The following GLIS1 variants were observed in gnomAD, a reference collection of about 807,000 sequenced individuals.
GLIS1 encodes zinc finger protein GLIS1.
GLIS1 carries 24 observed loss-of-function variants against 63.8 expected under a neutral mutation model. That is an observed-to-expected ratio of 0.38 (90% CI 0.27 to 0.53). GLIS1 has a LOEUF of 0.53. Among genes scored for constraint, GLIS1 ranks in the 20% least tolerant of loss-of-function variants. GLIS1 has a pLI of 0.85. For synonymous variants in GLIS1, 450 were observed against 482.5 expected, an observed-to-expected ratio of 0.93 and a Z score of 0.88; for missense variants, 1,036 against 1,074.1, an observed-to-expected ratio of 0.96 and a Z score of 0.50.
intron 4 of GLIS1, among the ~76,000 whole-genome samples, chr1:53,549,716 G>A (rs891459800): frequency 6.6e-6 from 1 of 152,194 alleles, no homozygotes; most frequent in South Asian, 2.1e-4. Context: ...ATTTTGAGCT[G>A]AAACAACAAC....
intron 2 of GLIS1, among the ~76,000 whole-genome samples, chr1:53,629,408 C>T (rs1277147976): frequency 6.6e-6 from 1 of 152,166 alleles, no homozygotes; most frequent in Non-Finnish European, 1.5e-5. Context: ...TGTTCCTACC[C>T]CACACTGTTA....
chr1:53,616,057 T>C (rs934871143), intron 2 of GLIS1, among the ~76,000 whole-genome samples: 3 of 152,178 alleles, frequency 2.0e-5, no homozygotes, highest in African/African-American at 4.8e-5. Context: ...TCTAAGGTAA[T>C]ACAATTTTAT....
chr1:53,657,519 T>TTA (rs1202040939), intron 2 of GLIS1, among the ~76,000 whole-genome samples: 2 of 152,260 alleles, frequency 1.3e-5, no homozygotes, highest in Non-Finnish European at 2.9e-5. Flanking sequence ...GAGCCTGCCT[T>TTA]TATAAGGACT....
intron 2 of GLIS1, among the ~76,000 whole-genome samples, chr1:53,722,702 C>T (rs951974582): frequency 3.9e-4 from 58 of 150,604 alleles, no homozygotes; most frequent in African/African-American, 1.3e-3. Context: ...GGCGTGGTGG[C>T]GTGTGCCTGC....
intron 2 of GLIS1, among the ~76,000 whole-genome samples, chr1:53,666,531 C>T (rs1646093033): frequency 6.6e-6 from 1 of 152,150 alleles, no homozygotes; most frequent in Non-Finnish European, 1.5e-5. Flanking sequence ...TCTCAGGTCC[C>T]TTCAAGGTCT....
intron 2 of GLIS1, among the ~76,000 whole-genome samples, chr1:53,712,892 G>T (rs916354246): frequency 6.6e-6 from 1 of 152,144 alleles, no homozygotes; most frequent in Non-Finnish European, 1.5e-5. Flanking sequence ...GAAATAGCAG[G>T]TAAAAGGAGC....
chr1:53,520,552 T>C, intron 7 of GLIS1, 82 bp downstream of exon 7: 1 of 1,431,996 alleles, frequency 7.0e-7, no homozygotes. Context: ...GGCGGCCCAC[T>C]GAGCATCACT....
intron 2 of GLIS1, among the ~76,000 whole-genome samples, chr1:53,602,271 G>A (rs573526452): frequency 6.6e-6 from 1 of 152,246 alleles, no homozygotes; most frequent in Non-Finnish European, 1.5e-5. Context: ...ATTTAACTCC[G>A]TCTCTGCTTG....
At chr1:53,571,498 A>G (rs1300339232) in intron 4 of GLIS1, among the ~76,000 whole-genome samples, 1 of 152,262 alleles carries the variant, frequency 6.6e-6, no homozygotes, top group Non-Finnish European at 1.5e-5. Flanking sequence ...GAGAATGATT[A>G]AAGTTTGAGT....
chr1:53,646,830 A>AAG lies in GLIS1; in HGVS notation c.260-46554_260-46553dup, dbSNP rs976562604. ...GTCTCAAAAAAGAAAGAAGAAAGGAAAGAGAGAGAGAGAGAAAGAGAGGGG... is the reference window on the plus strand; with the variant it reads ...GTCTCAAAAAAGAAAGAAGAAAGGAAAGAGAGAGAGAGAGAGAAAGAGAGGGG... On this transcript the variant is annotated intron_variant, in intron 2 of 10. Coordinates refer to ENST00000628545, the MANE Select transcript of GLIS1 (RefSeq NM_001367484.1). This position sits in a 1 kb window ranked among gnomAD's most constrained non-coding sequence, Gnocchi z 4.2. Among the ~76,000 whole-genome samples, 4 of 150,356 alleles carry AAG rather than the reference A, an allele frequency of 2.7e-5. No individual in the cohort carries two copies. The highest frequency in any genetic ancestry group is 3.4e-3 in the Middle Eastern group (1 of 292).
intron 2 of GLIS1, among the ~76,000 whole-genome samples, chr1:53,658,677 G>C (rs910058721): frequency 6.6e-6 from 1 of 152,172 alleles, no homozygotes; most frequent in African/African-American, 2.4e-5. Flanking sequence ...GCTGCCCCTT[G>C]CACTCCCACT....
At chr1:53,617,261 TCAC>T (rs1424723198) in intron 2 of GLIS1, among the ~76,000 whole-genome samples, 1 of 148,278 alleles carries the variant, frequency 6.7e-6, no homozygotes, top group Non-Finnish European at 1.5e-5. Context: ...GATGGCCAAC[TCAC>T]CACCAAGAGT....
At chr1:53,582,456 G>A (rs116674900) in intron 4 of GLIS1, among the ~76,000 whole-genome samples, 2,112 of 152,292 alleles carry the variant, frequency 0.014, 47 homozygotes, top group African/African-American at 0.048. Flanking sequence ...TACATGCACC[G>A]CCAACCGTCT....
chr1:53,651,988 G>C (rs1645914343), intron 2 of GLIS1, among the ~76,000 whole-genome samples: 1 of 152,134 alleles, frequency 6.6e-6, no homozygotes, highest in Non-Finnish European at 1.5e-5. Context: ...ACGTCCTCAA[G>C]GCCTCTCCAG....
chr1:53,555,618 T>C (rs1030336307), intron 4 of GLIS1, among the ~76,000 whole-genome samples: 1 of 152,240 alleles, frequency 6.6e-6, no homozygotes, highest in Non-Finnish European at 1.5e-5. Flanking sequence ...GGACACCCCA[T>C]TTCCCCTGGT....
Position 53,539,346 on chromosome 1 carries a change from C to T in GLIS1, c.1321-9394G>A, listed in dbSNP as rs1223181552. On this transcript the variant is annotated intron_variant, in intron 4 of 10. Coordinates refer to ENST00000628545, the MANE Select transcript of GLIS1 (RefSeq NM_001367484.1). This position sits in a 1 kb window ranked among gnomAD's most constrained non-coding sequence, Gnocchi z 5.0. Reference sequence around the variant, plus strand: ...CAATTCACCCACACATACCATATCCCCACATATATACCACATAACACACCC... The same window carrying T: ...CAATTCACCCACACATACCATATCCTCACATATATACCACATAACACACCC... Among the ~76,000 whole-genome samples, 4 of 150,044 alleles carry T rather than the reference C, an allele frequency of 2.7e-5. No individual in the cohort carries two copies. Among genetic ancestry groups the T allele is most frequent in the African/African-American group, 9.9e-5 (4 of 40,604 alleles).
chr1:53,507,207 A>C (rs1009520010), intron 10 of GLIS1, among the ~76,000 whole-genome samples: 9 of 152,202 alleles, frequency 5.9e-5, no homozygotes, highest in African/African-American at 2.2e-4. Flanking sequence ...AACTCAAAGA[A>C]GGCCACCAGC....
At chr1:53,637,494 T>C (rs1645738843) in intron 2 of GLIS1, among the ~76,000 whole-genome samples, 1 of 152,090 alleles carries the variant, frequency 6.6e-6, no homozygotes, top group Non-Finnish European at 1.5e-5. Context: ...GATAAGATGG[T>C]GCACATACCT....
At chr1:53,625,544 T>C (rs1186502240) in intron 2 of GLIS1, among the ~76,000 whole-genome samples, 1 of 152,310 alleles carries the variant, frequency 6.6e-6, no homozygotes, top group Non-Finnish European at 1.5e-5. Flanking sequence ...TCAAAAAACA[T>C]TGATTGCACA....
Sources: allele counts gnomAD v4.1 joint callset (sites outside exome capture counted in the v4.1 genomes callset), GRCh38; gene constraint gnomAD v4.1.1; non-coding constraint Gnocchi (gnomAD v3.1); transcripts MANE v1.5; gene names NCBI Gene and HGNC (gene_info 2026-07-23, HGNC 2026-07-21).